NEBL: variants seen among roughly 807,000 people sequenced by gnomAD.
The protein encoded by NEBL is LIM and SH3 protein 2.
In NEBL, 122 loss-of-function variants were observed where a neutral mutation model predicts 140.2. That is an observed-to-expected ratio of 0.87 (90% CI 0.75 to 1.01). The LOEUF (loss-of-function observed/expected upper bound fraction) is 1.01, where lower values mean the gene tolerates loss of function less well. NEBL is among the 50% of genes least tolerant of loss of function. The pLI, the probability that NEBL is intolerant of heterozygous loss-of-function variation, is 0.00. For synonymous variants in NEBL, 436 were observed against 398.9 expected, an observed-to-expected ratio of 1.09 and a Z score of -1.11; for missense variants, 1,365 against 1,231.3, an observed-to-expected ratio of 1.11 and a Z score of -1.62.
chr10:21,030,325 G>A (rs150500265), intron 2 of NEBL: 118 of 644,476 alleles, frequency 1.8e-4, no homozygotes, highest in African/African-American at 1.6e-3. Flanking sequence ...GTGAGTCATC[G>A]CACACTGGGA....
chr10:20,992,957 A>AT (rs1157128615), intron 3 of NEBL, among the ~76,000 whole-genome samples: 1 of 150,188 alleles, frequency 6.7e-6, no homozygotes, highest in Non-Finnish European at 1.5e-5. Flanking sequence ...TTGTTTTTGT[A>AT]TTTTTTTAGT....
chr10:20,781,803 T>G lies in NEBL; in HGVS notation c.*3944A>C, dbSNP rs1377237446. On this transcript the variant is annotated 3_prime_UTR_variant, in exon 28 of 28. Coordinates refer to ENST00000377122, the MANE Select transcript of NEBL (RefSeq NM_006393.3). ...AAAAGGCATGGAATACTTCAGAGAC[T>G]TTTATTTTAGCATCCTTGTCAGTTT... 2 of 152,644 alleles carry G rather than the reference T, an allele frequency of 1.3e-5. No homozygotes were observed. Among genetic ancestry groups the G allele is most frequent in the East Asian group, 3.8e-4 (2 of 5,198 alleles). 9.5% of individuals were successfully genotyped at this position (152,644 alleles called of 1,614,324 possible). A position where few individuals can be genotyped will look rare whatever the true frequency, so the allele number is the denominator to read the frequency against.
chr10:21,029,072 G>T, intron 2 of NEBL: 1 of 1,085,468 alleles, frequency 9.2e-7, no homozygotes, highest in Non-Finnish European at 1.4e-6. Flanking sequence ...GCTGAGGACT[G>T]GGGGACTGGT....
At chr10:21,226,850 G>A (rs1842157897) in intron 3 of NEBL, among the ~76,000 whole-genome samples, 1 of 152,124 alleles carries the variant, frequency 6.6e-6, no homozygotes, top group East Asian at 1.9e-4. Flanking sequence ...TCTCTCACCT[G>A]ACTTTTAGGT....
chr10:20,864,202 T>A (rs1345567745), intron 7 of NEBL, among the ~76,000 whole-genome samples: 1 of 152,194 alleles, frequency 6.6e-6, no homozygotes, highest in African/African-American at 2.4e-5. Flanking sequence ...ATGGATATAT[T>A]AATTAATAAA....
At chr10:21,219,913 TTTTG>T (rs1229811905) in intron 3 of NEBL, among the ~76,000 whole-genome samples, 2 of 151,786 alleles carry the variant, frequency 1.3e-5, no homozygotes, top group East Asian at 1.9e-4. Flanking sequence ...TGCTATTAAT[TTTTG>T]TTTGTTTGTT....
At chr10:20,840,668 T>G in intron 13 of NEBL, 71 bp downstream of exon 13, 2 of 1,040,330 alleles carry the variant, frequency 1.9e-6, no homozygotes, top group Non-Finnish European at 3.0e-6. Context: ...ATAGAACCTT[T>G]GAGAAAGATT....
At chr10:21,275,807 A>AATTTTTTTTTTTTT (rs1410446130) in intron 1 of NEBL, among the ~76,000 whole-genome samples, 1 of 113,804 alleles carries the variant, frequency 8.8e-6, no homozygotes, top group African/African-American at 3.5e-5. Flanking sequence ...CACCCAGCTA[A>AATTTTTTTTTTTTT]TTTTTTTTTT....
At chr10:20,810,582 C>T (rs1263760776) in intron 24 of NEBL, among the ~76,000 whole-genome samples, 1 of 152,178 alleles carries the variant, frequency 6.6e-6, no homozygotes, top group Non-Finnish European at 1.5e-5. Flanking sequence ...TTCCTGCTGT[C>T]AATGGATCCC....
chr10:20,849,296 CT>C (rs1842270251), intron 11 of NEBL, among the ~76,000 whole-genome samples: 1 of 152,076 alleles, frequency 6.6e-6, no homozygotes, highest in Non-Finnish European at 1.5e-5. Context: ...TTAGCATAAT[CT>C]TAGGTTGAGA....
chr10:21,257,808 C>G (rs1020717262), intron 1 of NEBL, among the ~76,000 whole-genome samples: 4 of 151,886 alleles, frequency 2.6e-5, no homozygotes, highest in Admixed American at 2.6e-4. Context: ...TGGCGTGAAA[C>G]CAGGAGGTGG....
chr10:21,192,738 G>A (rs1365048668), intron 3 of NEBL, among the ~76,000 whole-genome samples: 2 of 151,308 alleles, frequency 1.3e-5, no homozygotes, highest in Admixed American at 6.6e-5. Flanking sequence ...CCAGCTACGA[G>A]GGGGGCTGAG....
chr10:20,828,647 A>G lies in NEBL; in HGVS notation c.1672-13T>C. The stretch of plus-strand genomic sequence containing the variant: ...CTTTATACTTTCTCTAAAAACATAA[A>G]CAGTTAATATAAATCTGAAACTATG... On this transcript the variant is annotated splice_polypyrimidine_tract_variant and intron_variant, in intron 16 of 27. Coordinates refer to ENST00000377122, the MANE Select transcript of NEBL (RefSeq NM_006393.3). The G allele has an allele frequency of 6.7e-7, 1 of 1,492,708 alleles. No individual in the cohort carries two copies. Among genetic ancestry groups the G allele is most frequent in the South Asian group, 1.1e-5 (1 of 87,864 alleles). The allele number at this position is 1,492,708 out of a possible 1,614,324, so 92.5% of individuals were successfully genotyped here.
chr10:21,061,159 T>G lies in NEBL; in HGVS notation c.165-40958A>C, dbSNP rs567307482. 2.0e-5 allele frequency among the ~76,000 whole-genome samples: 3 copies of G among 151,454 alleles called. No homozygotes were observed. In the South Asian group the frequency reaches 6.3e-4, roughly 32 times the overall value. The stretch of plus-strand genomic sequence containing the variant: ...TCCCCTTTTTTATATATGATACATG[T>G]TCTTATATGTATTATATATATCATA... On this transcript the variant is annotated intron_variant, in intron 2 of 6. Coordinates refer to the NEBL transcript ENST00000417816.
At chr10:21,167,362 C>T (rs73609214) in intron 2 of NEBL, among the ~76,000 whole-genome samples, 4,171 of 152,256 alleles carry the variant, frequency 0.027, 208 homozygotes, top group African/African-American at 0.095. Context: ...GACTAAGATA[C>T]AAGGTATAGT....
chr10:20,790,489 T>C (rs1564326399), intron 26 of NEBL, among the ~76,000 whole-genome samples: 2 of 151,338 alleles, frequency 1.3e-5, no homozygotes, highest in Non-Finnish European at 2.9e-5. Flanking sequence ...TAATCCCAGC[T>C]ACTCGGGAGG....
chr10:20,953,550 C>CA (rs1213683215), intron 4 of NEBL, among the ~76,000 whole-genome samples: 11 of 139,350 alleles, frequency 7.9e-5, no homozygotes, highest in African/African-American at 3.0e-4. Flanking sequence ...GATTAGACAC[C>CA]AAAAAGAATT....
At chr10:20,814,092 G>T in intron 22 of NEBL, 49 bp from the exon 23 acceptor site, 1 of 1,159,714 alleles carries the variant, frequency 8.6e-7, no homozygotes, top group Non-Finnish European at 1.3e-6. Context: ...AACACATGAT[G>T]TAACATTTTT....
chr10:20,997,451 A>T (rs1377847380), intron 3 of NEBL, among the ~76,000 whole-genome samples: 4 of 133,090 alleles, frequency 3.0e-5, no homozygotes, highest in Non-Finnish European at 6.2e-5. Flanking sequence ...AAACCACACC[A>T]AATAAACGCA....
Sources: allele counts gnomAD v4.1 joint callset (sites outside exome capture counted in the v4.1 genomes callset), GRCh38; gene constraint gnomAD v4.1.1; transcripts MANE v1.5; gene names NCBI Gene and HGNC (gene_info 2026-07-23, HGNC 2026-07-21).